ZEB2: variants seen among roughly 807,000 people sequenced by gnomAD.
ZEB2 encodes the protein zinc finger E-box-binding homeobox 2.
Under a neutral mutation model 99.9 loss-of-function variants are expected in ZEB2, and 6 were observed. That is an observed-to-expected ratio of 0.06 (90% CI 0.03 to 0.12). The LOEUF (loss-of-function observed/expected upper bound fraction) is 0.12, where lower values mean the gene tolerates loss of function less well. Ranked by LOEUF, ZEB2 falls within the 10% of genes least tolerant of loss-of-function variation. The pLI is 1.00. For missense variants in ZEB2, 969 were observed against 1,502.8 expected (o/e 0.64, Z 5.87); for synonymous variants, 517 against 542.5 (o/e 0.95, Z 0.65).
intron 2 of ZEB2, among the ~76,000 whole-genome samples, chr2:144,468,729 T>C (rs556471648): frequency 6.6e-6 from 1 of 152,182 alleles, no homozygotes; most frequent in Admixed American, 6.5e-5. Context: ...CTTTGAGGCA[T>C]GCAGGGGTCA....
chr2:144,463,487 A>G (rs946623354), intron 2 of ZEB2: 3 of 152,148 alleles, frequency 2.0e-5, no homozygotes, highest in African/African-American at 7.2e-5. Flanking sequence ...ATGGTGAAAT[A>G]AAATAATATA....
chr2:144,493,234 A>C (rs969006587), intron 2 of ZEB2, among the ~76,000 whole-genome samples: 9 of 152,162 alleles, frequency 5.9e-5, no homozygotes, highest in Non-Finnish European at 1.2e-4. Context: ...AAGGCCCAGA[A>C]ACTGAAGTGC....
rs17676482 is a variant in ZEB2 at position 144,408,525 on chromosome 2, A to G, written c.404-3501T>C. ...CTGGATATTTCTTCATGCTGTATAGATATTCTGTTGTTTATATATCTCACA... is the reference window on the plus strand; with the variant it reads ...CTGGATATTTCTTCATGCTGTATAGGTATTCTGTTGTTTATATATCTCACA... On this transcript the variant is annotated intron_variant, in intron 4 of 9. Coordinates refer to ENST00000627532, the MANE Select transcript of ZEB2 (RefSeq NM_014795.4). 1.8e-3 allele frequency among the ~76,000 whole-genome samples: 271 copies of G among 152,290 alleles called. 1 individual carries two copies. Among genetic ancestry groups the G allele is most frequent in the Non-Finnish European group, 3.4e-3 (231 of 68,032 alleles).
rs1573821421 is a variant in ZEB2 at position 144,517,161 on chromosome 2, A to T, written c.73+117T>A. On this transcript the variant is annotated intron_variant, in intron 2 of 9. Coordinates refer to ENST00000627532, the MANE Select transcript of ZEB2 (RefSeq NM_014795.4). ...CCGGCCGCGGAGGGAGGCTCGCCCTAGAGCCCTGGGCGCCGCCGCCGCCGC... is the reference window on the plus strand; with the variant it reads ...CCGGCCGCGGAGGGAGGCTCGCCCTTGAGCCCTGGGCGCCGCCGCCGCCGC... The T allele has an allele frequency of 3.7e-6, 5 of 1,362,072 alleles. No homozygotes were observed. The East Asian group carries it at 1.2e-4, about 33-fold the overall frequency. The allele number at this position is 1,362,072 out of a possible 1,614,324, so 84.4% of individuals were successfully genotyped here.
At chr2:144,434,126 G>A (rs1186451179) in intron 2 of ZEB2, among the ~76,000 whole-genome samples, 1 of 152,088 alleles carries the variant, frequency 6.6e-6, no homozygotes, top group Non-Finnish European at 1.5e-5. Flanking sequence ...TGATGTGAAG[G>A]GGCAATACTT....
chr2:144,519,814 C>T, intron 1 of ZEB2, 125 bp downstream of exon 1: 1 of 361,394 alleles, frequency 2.8e-6, no homozygotes, highest in East Asian at 7.3e-5. Flanking sequence ...TTCCTACCCA[C>T]GGACACCCCT....
intron 2 of ZEB2, among the ~76,000 whole-genome samples, chr2:144,467,704 A>G (rs1205060065): frequency 1.3e-5 from 2 of 152,124 alleles, no homozygotes; most frequent in Non-Finnish European, 2.9e-5. Context: ...ATCAGGAACC[A>G]AGTTTGTGGG....
chr2:144,428,381 T>G (rs775749091), intron 3 of ZEB2: 20 of 152,228 alleles, frequency 1.3e-4, no homozygotes, highest in Non-Finnish European at 2.1e-4. Context: ...TAATGACTTC[T>G]GCAGCAGTCA....
At chr2:144,452,519 T>C (rs1392775116) in intron 2 of ZEB2, among the ~76,000 whole-genome samples, 3 of 152,220 alleles carry the variant, frequency 2.0e-5, no homozygotes, top group Non-Finnish European at 2.9e-5. Flanking sequence ...ATTTCAGCCA[T>C]ACAACATTAT....
intron 2 of ZEB2, among the ~76,000 whole-genome samples, chr2:144,444,179 T>C (rs2149897161): frequency 6.6e-6 from 1 of 152,356 alleles, no homozygotes; most frequent in African/African-American, 2.4e-5. Flanking sequence ...CATAAGACTT[T>C]GATGACATCT....
intron 2 of ZEB2, chr2:144,513,839 G>A (rs766816396): frequency 2.9e-5 from 45 of 1,535,014 alleles, no homozygotes; most frequent in Non-Finnish European, 3.8e-5. Flanking sequence ...AAAGAAAAAG[G>A]GGGGCTGGGT....
chr2:144,508,909 G>C (rs1485871948), intron 2 of ZEB2, among the ~76,000 whole-genome samples: 1 of 151,952 alleles, frequency 6.6e-6, no homozygotes, highest in African/African-American at 2.4e-5. Context: ...AATGAAAATA[G>C]CTTTTCTAAA....
chr2:144,401,112 T>C, intron 7 of ZEB2, 87 bp downstream of exon 7: 1 of 1,217,350 alleles, frequency 8.2e-7, no homozygotes, highest in Non-Finnish European at 1.2e-6. Context: ...AAGCTACAAA[T>C]AGGACTGTGT....
In ZEB2 at chr2:144,389,877, G is replaced by A. The variant is rs139944383; in HGVS notation, c.3219C>T (p.His1073=). The A allele has an allele frequency of 1.7e-5, 28 of 1,613,642 alleles. No individual in the cohort carries two copies. In the African/African-American group the frequency reaches 3.5e-4, roughly 20 times the overall value. The change falls in exon 10 of 10, where the codon CAC becomes CAT. Residue 1073 remains histidine, a synonymous_variant. Transcript: ENST00000627532. The surrounding 1 kb of genome is among the most constrained non-coding windows in gnomAD (Gnocchi z 6.8). The stretch of plus-strand genomic sequence containing the variant: ...TGCAGTAGGAATACCTGTGATTCAT[G>A]TGCTGCGAGTACGAGCCCGAGTGTG... ...RFSHSGSYSQ[H]MNHRYSYCKR... is the part of the protein sequence containing the mutation.
At chr2:144,468,226 A>T (rs978677171) in intron 2 of ZEB2, among the ~76,000 whole-genome samples, 5 of 152,170 alleles carry the variant, frequency 3.3e-5, no homozygotes, top group Non-Finnish European at 7.4e-5. Context: ...GCTCGATTCC[A>T]TTTATAGAGG....
chr2:144,495,391 A>G (rs1704743917), intron 2 of ZEB2: 1 of 152,232 alleles, frequency 6.6e-6, no homozygotes, highest in Non-Finnish European at 1.5e-5. Flanking sequence ...GTAGAAAACA[A>G]AAAGATTCTG....
In ZEB2 at chr2:144,400,047, A is replaced by G; in HGVS notation, c.1140T>C (p.Ser380=). 2 of 1,613,858 alleles carry G rather than the reference A, an allele frequency of 1.2e-6. No individual in the cohort carries two copies. Among genetic ancestry groups the G allele is most frequent in the Non-Finnish European group, 1.7e-6 (2 of 1,179,716 alleles). The change falls in exon 8 of 10, where the codon AGT becomes AGC. Residue 380 remains serine, a synonymous_variant. Transcript: ENST00000627532. ...RNKLENGKPL[S]MSEQTGLLKI... ...TAAGTAAGCCTGTCTGTTCAGACAT[A>G]CTAAGTGGTTTTCCATTCTCCAACT... is the stretch of plus-strand genomic sequence containing the variant.
Position 144,398,512 on chromosome 2 carries a change from T to C in ZEB2, c.2675A>G (p.Lys892Arg). The change falls in exon 8 of 10, where the codon AAA (lysine) becomes AGA (arginine). Residue 892 changes from lysine to arginine, a missense_variant. By Grantham distance (26) the Lys-to-Arg change is conservative. Transcript: ENST00000627532. ...PVFSMNPFSAKPLYTALPPQS... is the reference protein window; with the variant it reads ...PVFSMNPFSARPLYTALPPQS... ...AGGTGGAAGAGCTGTGTATAAAGGT[T>C]TGGCACTAAATGGGTTCATGCTGAA... 1 of 1,614,084 alleles carries C rather than the reference T, an allele frequency of 6.2e-7. No homozygotes were observed. Among genetic ancestry groups the C allele is most frequent in the Non-Finnish European group, 8.5e-7 (1 of 1,179,998 alleles).
In ZEB2 at chr2:144,441,535, A is replaced by C. The variant is rs1397158532; in HGVS notation, c.74-11509T>G. ...CAAGTTAAACAATCACACCAGCATT[A>C]ATTTTCTAAAAAAAAAAAAAAAAAA... On this transcript the variant is annotated intron_variant, in intron 2 of 9. Coordinates refer to ENST00000627532, the MANE Select transcript of ZEB2 (RefSeq NM_014795.4). 2.7e-5 allele frequency among the ~76,000 whole-genome samples: 4 copies of C among 149,754 alleles called. No homozygotes were observed. In the South Asian group the frequency reaches 8.6e-4, roughly 32 times the overall value.
Sources: gnomAD v4.1 joint callset for allele counts (sites outside exome capture counted in the v4.1 genomes callset) on GRCh38, gnomAD v4.1.1 for gene constraint, Gnocchi (gnomAD v3.1) non-coding constraint, MANE v1.5 for transcripts, NCBI Gene and HGNC (gene_info 2026-07-23, HGNC 2026-07-21) for gene names.